Variants in CRPPA observed in about 807,000 individuals in gnomAD.
CRPPA encodes D-ribitol-5-phosphate cytidylyltransferase.
Under a neutral mutation model 52.0 loss-of-function variants are expected in CRPPA, and 43 were observed. The observed-to-expected ratio is 0.83, with a 90% confidence interval of 0.65 to 1.07. CRPPA has a LOEUF of 1.07. Ranked by LOEUF, CRPPA falls within the 50% of genes least tolerant of loss-of-function variation. CRPPA has a pLI of 0.00. For synonymous variants in CRPPA, 250 were observed against 203.5 expected (o/e 1.23, Z -1.94); for missense variants, 629 against 551.7 (o/e 1.14, Z -1.40).
At chr7:16,184,380 C>T (rs1781466689) in intron 9 of CRPPA, among the ~76,000 whole-genome samples, 1 of 152,058 alleles carries the variant, frequency 6.6e-6, no homozygotes, top group South Asian at 2.1e-4. Context: ...TCTCATACTG[C>T]TTCTTCTCAT....
chr7:16,363,548 T>C (rs1786512127), intron 3 of CRPPA, among the ~76,000 whole-genome samples: 1 of 152,092 alleles, frequency 6.6e-6, no homozygotes, highest in Admixed American at 6.6e-5. Flanking sequence ...ATCTATTTGA[T>C]TTTTTTAGAG....
intron 9 of CRPPA, among the ~76,000 whole-genome samples, chr7:16,121,285 A>T (rs1242667404): frequency 6.6e-6 from 1 of 152,074 alleles, no homozygotes; most frequent in East Asian, 1.9e-4. Context: ...TTAAAAATAG[A>T]ATCCCTGTCT....
Position 16,177,832 on chromosome 7 carries a change from C to T in CRPPA, c.1251+38234G>A, listed in dbSNP as rs1781333046. On this transcript the variant is annotated intron_variant, in intron 9 of 9. Transcript: ENST00000407010. ...TTTTATAAAACCAACTATCTTCTTACATAGGCCACCAAATGGATGGCTATT... is the reference window on the plus strand; with the variant it reads ...TTTTATAAAACCAACTATCTTCTTATATAGGCCACCAAATGGATGGCTATT... Among the ~76,000 whole-genome samples the T allele has an allele frequency of 2.0e-5, 3 of 152,034 alleles. No homozygotes were observed. The South Asian group carries it at 6.2e-4, about 31-fold the overall frequency.
At chr7:16,357,801 G>A (rs1276534602) in intron 3 of CRPPA, among the ~76,000 whole-genome samples, 1 of 152,218 alleles carries the variant, frequency 6.6e-6, no homozygotes, top group Non-Finnish European at 1.5e-5. Context: ...CTGAGGGGGA[G>A]TACCCAATGA....
chr7:16,095,250 G>C (rs568268698), intron 9 of CRPPA, among the ~76,000 whole-genome samples: 1 of 152,228 alleles, frequency 6.6e-6, no homozygotes, highest in South Asian at 2.1e-4. Context: ...TATATTCCTT[G>C]AAAAACGTAC....
intron 8 of CRPPA, among the ~76,000 whole-genome samples, chr7:16,245,242 A>G (rs947018899): frequency 3.9e-5 from 6 of 152,244 alleles, no homozygotes; most frequent in African/African-American, 1.4e-4. Flanking sequence ...GTGTATCAGT[A>G]GTTTTCCCTC....
At chr7:16,381,406 T>A (rs1341448344) in intron 2 of CRPPA, among the ~76,000 whole-genome samples, 2 of 150,220 alleles carry the variant, frequency 1.3e-5, no homozygotes, top group African/African-American at 4.9e-5. Flanking sequence ...GAGCTTTACT[T>A]CCAACTATGT....
chr7:16,281,114 C>T lies in CRPPA; in HGVS notation c.836-2888G>A, dbSNP rs533574753. ...GTTGTTTAGGAGTCCTTCATTGCCACATAAATTTTTACCATCATTTCCACA... is the reference window on the plus strand; with the variant it reads ...GTTGTTTAGGAGTCCTTCATTGCCATATAAATTTTTACCATCATTTCCACA... On this transcript the variant is annotated intron_variant, in intron 5 of 9. Coordinates refer to ENST00000407010, the MANE Select transcript of CRPPA (RefSeq NM_001101426.4). Among the ~76,000 whole-genome samples the T allele has an allele frequency of 2.0e-5, 3 of 152,284 alleles. No individual in the cohort carries two copies. In the South Asian group the frequency reaches 6.2e-4, roughly 32 times the overall value.
At chr7:16,362,553 G>A (rs1261262404) in intron 3 of CRPPA, among the ~76,000 whole-genome samples, 1 of 151,976 alleles carries the variant, frequency 6.6e-6, no homozygotes, top group South Asian at 2.1e-4. Context: ...ACAAACCATA[G>A]CAGTCAGAGA....
chr7:16,286,072 TATATATATAATATTTAAAAAAAAAA>T (rs1784435786), intron 5 of CRPPA, among the ~76,000 whole-genome samples: 9 of 20,588 alleles, frequency 4.4e-4, no homozygotes, highest in African/African-American at 1.6e-3. Context: ...TATATATATA[TATATATATAATATTTAAAAAAAAAA>T]ATATATATAT....
At chr7:16,346,182 T>G (rs1363685034) in intron 3 of CRPPA, among the ~76,000 whole-genome samples, 1 of 152,128 alleles carries the variant, frequency 6.6e-6, no homozygotes, top group Admixed American at 6.5e-5. Context: ...GATGACACAG[T>G]GAACAAGATA....
intron 9 of CRPPA, among the ~76,000 whole-genome samples, chr7:16,156,798 T>C (rs1562530014): frequency 6.6e-6 from 1 of 152,134 alleles, no homozygotes. Flanking sequence ...TGCTGAAAGC[T>C]GTGGATGTTG....
At position 16,258,103 on chromosome 7, in the gene CRPPA, T is replaced by C. The variant is rs376606966; in HGVS notation, c.1119+287A>G. 4.6e-5 allele frequency among the ~76,000 whole-genome samples: 7 copies of C among 152,178 alleles called. No individual in the cohort carries two copies. The East Asian group carries it at 1.4e-3, about 29-fold the overall frequency. On this transcript the variant is annotated intron_variant, in intron 8 of 9. Transcript: ENST00000407010. ...CTGTTTTACATATCCAAACAACCAG[T>C]TGACTTAAACCGAATACTTTGCCAT...
intron 9 of CRPPA, chr7:16,209,271 G>GTTTTTTTTTTTTTTTTTTTTTTT (rs1316167969): frequency 4.4e-5 from 6 of 137,814 alleles, no homozygotes; most frequent in Non-Finnish European, 8.2e-5. Context: ...GGTTCTAAGT[G>GTTTTTTTTTTTTTTTTTTTTTTT]TCTTTTTTTT....
intron 8 of CRPPA, among the ~76,000 whole-genome samples, chr7:16,247,669 C>T (rs1215728077): frequency 6.6e-6 from 1 of 152,088 alleles, no homozygotes; most frequent in East Asian, 1.9e-4. Context: ...ATAGACTTGC[C>T]AGACACAGGG....
intron 8 of CRPPA, among the ~76,000 whole-genome samples, chr7:16,217,388 C>T (rs1782359497): frequency 6.6e-6 from 1 of 151,486 alleles, no homozygotes; most frequent in African/African-American, 2.4e-5. Flanking sequence ...GAGCACCTCT[C>T]CTCCTCCAAA....
intron 3 of CRPPA, among the ~76,000 whole-genome samples, chr7:16,341,334 A>G (rs1226938000): frequency 6.6e-6 from 1 of 152,080 alleles, no homozygotes; most frequent in Non-Finnish European, 1.5e-5. Context: ...GATCATGGGA[A>G]AGGCTATGCA....
intron 9 of CRPPA, among the ~76,000 whole-genome samples, chr7:16,208,508 C>G (rs1325307706): frequency 6.6e-6 from 1 of 152,114 alleles, no homozygotes; most frequent in African/African-American, 2.4e-5. Context: ...TAAAGATCTT[C>G]TAAATTATGG....
intron 8 of CRPPA, among the ~76,000 whole-genome samples, chr7:16,246,153 T>C (rs1783266795): frequency 6.6e-6 from 1 of 152,202 alleles, no homozygotes; most frequent in Non-Finnish European, 1.5e-5. Context: ...CACTGCTTTA[T>C]CAACTAAGTT....
Sources: gnomAD v4.1 joint callset for allele counts (sites outside exome capture counted in the v4.1 genomes callset) on GRCh38, gnomAD v4.1.1 for gene constraint, MANE v1.5 for transcripts, NCBI Gene and HGNC (gene_info 2026-07-23, HGNC 2026-07-21) for gene names.